The following DPP4 variants were observed in gnomAD, a reference collection of about 807,000 sequenced individuals.
DPP4 encodes the protein dipeptidyl peptidase 4.
DPP4 carries 93 observed loss-of-function variants against 122.4 expected under a neutral mutation model. That is an observed-to-expected ratio of 0.76 (90% CI 0.64 to 0.90). The LOEUF (loss-of-function observed/expected upper bound fraction) is 0.90. Ranked by LOEUF, DPP4 falls within the 40% of genes least tolerant of loss-of-function variation. The pLI is 0.00. For synonymous variants in DPP4, 321 were observed against 302.9 expected, an observed-to-expected ratio of 1.06 and a Z score of -0.62; for missense variants, 914 against 907.3, an observed-to-expected ratio of 1.01 and a Z score of -0.09.
rs192006224 is a variant in DPP4 at position 162,035,024 on chromosome 2, A to G, written c.774+140T>C. The G allele has an allele frequency of 6.9e-6, 5 of 724,544 alleles. No homozygotes were observed. In the East Asian group the frequency reaches 1.4e-4, roughly 20 times the overall value. 44.9% of individuals were successfully genotyped at this position (724,544 alleles called of 1,614,324 possible). A position where few individuals can be genotyped will look rare whatever the true frequency, so the allele number is the denominator to read the frequency against. ...AATAAAAATACTTTAAAATTGCCAG[A>G]TGCTGTTGACTTCAGCAAGAGTAAT... On this transcript the variant is annotated intron_variant, in intron 9 of 25. Coordinates refer to ENST00000360534, the MANE Select transcript of DPP4 (RefSeq NM_001935.4).
In DPP4 at chr2:162,064,118, C is replaced by G. The variant is rs150480538; in HGVS notation, c.94+9281G>C. Among the ~76,000 whole-genome samples the G allele has an allele frequency of 5.5e-4, 83 of 152,272 alleles. 1 individual carries two copies. In the East Asian group the frequency reaches 0.01, roughly 18 times the overall value. On this transcript the variant is annotated intron_variant, in intron 2 of 25. Transcript: ENST00000360534. ...AATGGTTTCAGTTTTCTTATCAAAA[C>G]AGGAAGCCAGGTCCTTAGCTATGAA...
Position 161,992,758 on chromosome 2 carries a change from C to G in DPP4, c.*525G>C, listed in dbSNP as rs1339636936. 1 of 153,506 alleles carries G rather than the reference C, an allele frequency of 6.5e-6. No individual in the cohort carries two copies. Among genetic ancestry groups the G allele is most frequent in the African/African-American group, 2.4e-5 (1 of 41,590 alleles). The allele number at this position is 153,506 out of a possible 1,614,324, so 9.5% of individuals were successfully genotyped here. A position where few individuals can be genotyped will look rare whatever the true frequency, so the allele number is the denominator to read the frequency against. On this transcript the variant is annotated 3_prime_UTR_variant, in exon 26 of 26. Coordinates refer to ENST00000360534, the MANE Select transcript of DPP4 (RefSeq NM_001935.4). ...GTCTTTCTCAGAAAACTGTGCCAGT[C>G]TGGCTGTGAACAGCTCTTCTCCGAG...
chr2:162,001,261 T>C (rs1701140028), intron 23 of DPP4, among the ~76,000 whole-genome samples: 1 of 152,148 alleles, frequency 6.6e-6, no homozygotes, highest in African/African-American at 2.4e-5. Flanking sequence ...AATGATGACT[T>C]GCCATAGAAG....
At chr2:162,050,169 C>T (rs141898205) in intron 2 of DPP4, among the ~76,000 whole-genome samples, 3 of 152,266 alleles carry the variant, frequency 2.0e-5, no homozygotes, top group African/African-American at 7.2e-5. Flanking sequence ...TTCATCCAAC[C>T]ACTCTTTCAT....
chr2:162,047,403 C>T lies in DPP4; in HGVS notation c.193G>A (p.Asp65Asn), dbSNP rs1684225706. The T allele has an allele frequency of 1.3e-6, 2 of 1,523,492 alleles. No homozygotes were observed. Among genetic ancestry groups the T allele is most frequent in the Non-Finnish European group, 1.8e-6 (2 of 1,121,652 alleles). The allele number at this position is 1,523,492 out of a possible 1,614,324, so 94.4% of individuals were successfully genotyped here. A position where few individuals can be genotyped will look rare whatever the true frequency, so the allele number is the denominator to read the frequency against. ...CTGCCCTACCCCAAAAAATTCTTAC[C>T]TGAAATCCATCTTAAGGAGTATAAC... ...LKLYSLRWISDHEYLYKQENN... is the reference protein window; with the variant it reads ...LKLYSLRWISNHEYLYKQENN... Residue 65 changes from aspartate to asparagine, a missense_variant and splice_region_variant, in exon 3 of 26, where the codon GAT becomes AAT. Coordinates refer to ENST00000360534, the MANE Select transcript of DPP4 (RefSeq NM_001935.4).
chr2:162,032,116 G>A (rs1683569043), intron 10 of DPP4: 1 of 152,174 alleles, frequency 6.6e-6, no homozygotes, highest in African/African-American at 2.4e-5. Context: ...CTGTGATGGT[G>A]CCTTCAGGAA....
chr2:162,019,505 T>C (rs1409932798), intron 14 of DPP4, among the ~76,000 whole-genome samples: 1 of 151,194 alleles, frequency 6.6e-6, no homozygotes. Context: ...AAACCAGAGA[T>C]TTCTTCCTTA....
intron 2 of DPP4, among the ~76,000 whole-genome samples, chr2:162,051,624 G>A (rs1684387115): frequency 6.6e-6 from 1 of 152,192 alleles, no homozygotes; most frequent in African/African-American, 2.4e-5. Flanking sequence ...TCTATGATGG[G>A]TATAAAGAAA....
chr2:162,034,693 AT>A (rs1370248588), intron 9 of DPP4, among the ~76,000 whole-genome samples: 2 of 152,212 alleles, frequency 1.3e-5, no homozygotes, highest in African/African-American at 4.8e-5. Flanking sequence ...ATTATTCCAA[AT>A]GTAGGACATG....
chr2:162,049,610 G>C (rs770952480), intron 2 of DPP4, among the ~76,000 whole-genome samples: 1 of 151,872 alleles, frequency 6.6e-6, no homozygotes, highest in African/African-American at 2.4e-5. Flanking sequence ...TAACAAACCT[G>C]TACATCCTGC....
intron 9 of DPP4, among the ~76,000 whole-genome samples, chr2:162,034,840 G>A (rs1409998423): frequency 6.6e-6 from 1 of 152,152 alleles, no homozygotes; most frequent in Non-Finnish European, 1.5e-5. Flanking sequence ...CTACAAATGA[G>A]ACGAGCTTCT....
intron 5 of DPP4, among the ~76,000 whole-genome samples, chr2:162,044,504 G>C (rs1684106982): frequency 1.3e-5 from 2 of 151,948 alleles, no homozygotes; most frequent in African/African-American, 4.8e-5. Context: ...TGGTGTGTGA[G>C]TGTTGGTGTC....
At chr2:162,035,043 G>T in intron 9 of DPP4, 121 bp downstream of exon 9, 1 of 938,802 alleles carries the variant, frequency 1.1e-6, no homozygotes. Context: ...ACTTCAGCAA[G>T]AGTAATCACA....
chr2:162,001,877 T>C (rs1454840384), intron 23 of DPP4, among the ~76,000 whole-genome samples: 1 of 152,226 alleles, frequency 6.6e-6, no homozygotes, highest in East Asian at 1.9e-4. Flanking sequence ...CCACTTTGGC[T>C]GCCCATTTAG....
intron 5 of DPP4, among the ~76,000 whole-genome samples, chr2:162,043,453 A>G (rs1684061681): frequency 6.6e-6 from 1 of 152,170 alleles, no homozygotes; most frequent in Non-Finnish European, 1.5e-5. Context: ...GGGGAAGGGG[A>G]CAGAGTGAAA....
At chr2:162,061,613 A>T (rs1252027037) in intron 2 of DPP4, among the ~76,000 whole-genome samples, 1 of 152,218 alleles carries the variant, frequency 6.6e-6, no homozygotes, top group Non-Finnish European at 1.5e-5. Context: ...GTAGGTATAC[A>T]TGATTTAGTA....
intron 8 of DPP4, among the ~76,000 whole-genome samples, chr2:162,037,585 A>G (rs1213098148): frequency 6.6e-6 from 1 of 152,192 alleles, no homozygotes; most frequent in Non-Finnish European, 1.5e-5. Context: ...TCTTTCTAAT[A>G]AGTATGAGGA....
At chr2:161,999,558 G>A (rs555875111) in intron 23 of DPP4, among the ~76,000 whole-genome samples, 66 of 152,296 alleles carry the variant, frequency 4.3e-4, no homozygotes, top group African/African-American at 1.3e-3. Context: ...GGGAAGGATC[G>A]GTCCAGTGGC....
At chr2:162,020,487 C>A (rs1243854021) in intron 13 of DPP4, 94 bp downstream of exon 13, 46 of 1,067,192 alleles carry the variant, frequency 4.3e-5, no homozygotes, top group Admixed American at 5.4e-5. Flanking sequence ...TTTTTATACA[C>A]ATTGATCCAC....
Sources: gnomAD v4.1 joint callset for allele counts (sites outside exome capture counted in the v4.1 genomes callset) on GRCh38, gnomAD v4.1.1 for gene constraint, MANE v1.5 for transcripts, NCBI Gene and HGNC (gene_info 2026-07-23, HGNC 2026-07-21) for gene names.